CPEB1: variants seen among roughly 807,000 people sequenced by gnomAD.
CPEB1 encodes cytoplasmic polyadenylation element-binding protein 1.
Under a neutral mutation model 65.8 loss-of-function variants are expected in CPEB1, and 7 were observed. That is an observed-to-expected ratio of 0.11 (90% CI 0.06 to 0.20). CPEB1 has a LOEUF of 0.20. Ranked by LOEUF, CPEB1 falls within the 10% of genes least tolerant of loss-of-function variation. The probability of loss-of-function intolerance (pLI) is 1.00; values close to 1 mark genes in which losing one functional copy is unlikely to be tolerated. For missense variants in CPEB1, 551 were observed against 712.2 expected, an observed-to-expected ratio of 0.77 and a Z score of 2.58; for synonymous variants, 262 against 260.0, an observed-to-expected ratio of 1.01 and a Z score of -0.08.
At chr15:82,546,762 C>T (rs1157644423) in intron 11 of CPEB1, among the ~76,000 whole-genome samples, 1 of 152,160 alleles carries the variant, frequency 6.6e-6, no homozygotes, top group African/African-American at 2.4e-5. Context: ...TTCAGGCAAC[C>T]ACACACCTTA....
At chr15:82,559,910 C>G (rs1273248576) in intron 4 of CPEB1, among the ~76,000 whole-genome samples, 1 of 152,102 alleles carries the variant, frequency 6.6e-6, no homozygotes, top group Non-Finnish European at 1.5e-5. Context: ...ATGGCGAAAC[C>G]CCGTCTCTAC....
chr15:82,593,894 T>C (rs923484251), intron 3 of CPEB1, among the ~76,000 whole-genome samples: 7 of 152,210 alleles, frequency 4.6e-5, no homozygotes, highest in African/African-American at 1.7e-4. Context: ...AATCCCTTCT[T>C]GTCTGTACAG....
intron 3 of CPEB1, among the ~76,000 whole-genome samples, chr15:82,625,277 G>A (rs1252291900): frequency 6.6e-6 from 1 of 152,062 alleles, no homozygotes; most frequent in Non-Finnish European, 1.5e-5. Flanking sequence ...TTTTGTACAA[G>A]TCAGAAGAGA....
chr15:82,600,350 A>T (rs1053377962), intron 3 of CPEB1, among the ~76,000 whole-genome samples: 1 of 152,206 alleles, frequency 6.6e-6, no homozygotes, highest in Admixed American at 6.5e-5. Flanking sequence ...GAAGATAAAG[A>T]TCATTCACTG....
chr15:82,551,336 G>T (rs1369810933), intron 9 of CPEB1, among the ~76,000 whole-genome samples: 1 of 152,058 alleles, frequency 6.6e-6, no homozygotes, highest in African/African-American at 2.4e-5. Context: ...AATACTCTCT[G>T]CCCCCACACT....
chr15:82,552,905 G>C (rs918562703), intron 8 of CPEB1, among the ~76,000 whole-genome samples: 42 of 152,220 alleles, frequency 2.8e-4, no homozygotes, highest in African/African-American at 8.9e-4. Flanking sequence ...CAGGTCAGCA[G>C]AGCCAGGCTT....
At chr15:82,619,094 G>C (rs912354253) in intron 3 of CPEB1, among the ~76,000 whole-genome samples, 2 of 152,136 alleles carry the variant, frequency 1.3e-5, no homozygotes, top group African/African-American at 4.8e-5. Flanking sequence ...AAGACACAAG[G>C]ACAGATAAAT....
chr15:82,613,683 T>C (rs2044397679), intron 3 of CPEB1, among the ~76,000 whole-genome samples: 1 of 152,212 alleles, frequency 6.6e-6, no homozygotes, highest in Non-Finnish European at 1.5e-5. Context: ...TAAAAGCCTC[T>C]TGGCAAAGTC....
At chr15:82,558,677 C>CT (rs2037657686) in intron 4 of CPEB1, among the ~76,000 whole-genome samples, 1 of 152,180 alleles carries the variant, frequency 6.6e-6, no homozygotes, top group African/African-American at 2.4e-5. Flanking sequence ...CTCTGACCCT[C>CT]TGTTTTCTCA....
chr15:82,641,719 T>C (rs2047134330), intron 1 of CPEB1: 1 of 146,544 alleles, frequency 6.8e-6, no homozygotes, highest in African/African-American at 2.5e-5. Flanking sequence ...TAACTCACTA[T>C]AATTTAAAAG....
chr15:82,623,921 T>C (rs2151304149), intron 3 of CPEB1, among the ~76,000 whole-genome samples: 1 of 152,318 alleles, frequency 6.6e-6, no homozygotes, highest in South Asian at 2.1e-4. Context: ...AGCTCTCCTA[T>C]CATTTACTTA....
intron 1 of CPEB1, among the ~76,000 whole-genome samples, chr15:82,639,990 T>C (rs1428779879): frequency 2.6e-5 from 4 of 152,194 alleles, no homozygotes; most frequent in Non-Finnish European, 5.9e-5. Flanking sequence ...TGGAAGCTTG[T>C]ACCAGATTTC....
chr15:82,639,995 G>C (rs2046977161), intron 1 of CPEB1, among the ~76,000 whole-genome samples: 1 of 152,158 alleles, frequency 6.6e-6, no homozygotes, highest in Non-Finnish European at 1.5e-5. Flanking sequence ...GCTTGTACCA[G>C]ATTTCACCCC....
chr15:82,546,393 C>T, intron 12 of CPEB1, 48 bp downstream of exon 12: 1 of 1,528,240 alleles, frequency 6.5e-7, no homozygotes, highest in Non-Finnish European at 9.1e-7. Flanking sequence ...CCGCGCCCAG[C>T]CAACAATTTT....
chr15:82,569,339 T>C (rs2039658373), intron 4 of CPEB1, among the ~76,000 whole-genome samples: 2 of 152,142 alleles, frequency 1.3e-5, no homozygotes. Context: ...GGGATGGGTG[T>C]GTCCTCAACC....
At chr15:82,566,441 G>GGGAGAGTAGCATTC (rs755333041) in intron 4 of CPEB1, among the ~76,000 whole-genome samples, 1 of 152,128 alleles carries the variant, frequency 6.6e-6, no homozygotes, top group Non-Finnish European at 1.5e-5. Flanking sequence ...ATAGGAAGGG[G>GGGAGAGTAGCATTC]GGAGAGTAGC....
intron 3 of CPEB1, among the ~76,000 whole-genome samples, chr15:82,591,956 A>T (rs564815455): frequency 6.7e-6 from 1 of 148,610 alleles, no homozygotes; most frequent in South Asian, 2.1e-4. Context: ...CCATCCTCCC[A>T]CCTCACCCTT....
rs1180181993 is a variant in CPEB1 at position 82,591,776 on chromosome 15, A to G, written c.272-20244T>C. Among the ~76,000 whole-genome samples, 3 of 152,040 alleles carry G rather than the reference A, an allele frequency of 2.0e-5. No individual in the cohort carries two copies. In the East Asian group the frequency reaches 5.8e-4, roughly 29 times the overall value. Reference sequence around the variant, plus strand: ...ATATTGCACATAAATTAGATCATACAATATTTAAAAATTTTTTCACTTAGC... The same window carrying G: ...ATATTGCACATAAATTAGATCATACGATATTTAAAAATTTTTTCACTTAGC... On this transcript the variant is annotated intron_variant, in intron 3 of 12. Transcript: ENST00000684509.
At chr15:82,619,510 C>T (rs1455279980) in intron 3 of CPEB1, among the ~76,000 whole-genome samples, 2 of 152,100 alleles carry the variant, frequency 1.3e-5, no homozygotes, top group African/African-American at 4.8e-5. Flanking sequence ...AAATCACAGA[C>T]TCAAAGAAAA....
Sources: gnomAD v4.1 joint callset for allele counts (sites outside exome capture counted in the v4.1 genomes callset) on GRCh38, gnomAD v4.1.1 for gene constraint, MANE v1.5 for transcripts, NCBI Gene and HGNC (gene_info 2026-07-23, HGNC 2026-07-21) for gene names.